Variants in MYO1C observed in about 807,000 individuals in gnomAD.
MYO1C encodes the protein myosin IC.
In MYO1C, 104 loss-of-function variants were observed where a neutral mutation model predicts 150.8. The observed-to-expected ratio is 0.69, with a 90% confidence interval of 0.59 to 0.81. The LOEUF (loss-of-function observed/expected upper bound fraction) is 0.81, where lower values mean the gene tolerates loss of function less well. MYO1C is among the 30% of genes least tolerant of loss of function. The probability of loss-of-function intolerance (pLI) is 0.00; values close to 1 mark genes in which losing one functional copy is unlikely to be tolerated. For missense variants in MYO1C, 1,504 were observed against 1,435.0 expected, an observed-to-expected ratio of 1.05 and a Z score of -0.78; for synonymous variants, 663 against 579.9, an observed-to-expected ratio of 1.14 and a Z score of -2.06.
intron 25 of MYO1C, 196 bp downstream of exon 25, chr17:1,469,335 G>T (rs74977682): frequency 1.6e-6 from 1 of 630,882 alleles, no homozygotes; most frequent in East Asian, 2.8e-5. Context: ...AGATAAATAC[G>T]GTAGGCGGGG....
intron 25 of MYO1C, 50 bp from the exon 26 acceptor site, chr17:1,468,546 T>C (rs756402365): frequency 2.7e-6 from 4 of 1,460,698 alleles, no homozygotes; most frequent in African/African-American, 1.4e-5. Context: ...GAGCACCATC[T>C]TGGGGGGGCA....
chr17:1,490,411 T>C (rs556177455), intron 1 of MYO1C, among the ~76,000 whole-genome samples: 1 of 151,892 alleles, frequency 6.6e-6, no homozygotes, highest in Non-Finnish European at 1.5e-5. Flanking sequence ...GGCAGGAGAA[T>C]AGCTTGAACC....
At chr17:1,466,863 G>A (rs1010516731) in intron 31 of MYO1C, among the ~76,000 whole-genome samples, 15 of 152,230 alleles carry the variant, frequency 9.9e-5, no homozygotes, top group Middle Eastern at 3.4e-3. Flanking sequence ...CTGATCTCGG[G>A]TGATCCACAC....
chr17:1,483,358 G>A lies in MYO1C; in HGVS notation c.347+252C>T, dbSNP rs528594644. ...GGGTCTTTGCAGGTGGGGTTCAGAG[G>A]TCACTAAGATTGGGGGGCCACTCCC... On this transcript the variant is annotated intron_variant, in intron 3 of 31. Coordinates refer to ENST00000648651, the MANE Select transcript of MYO1C (RefSeq NM_001080779.2). Among the ~76,000 whole-genome samples the A allele has an allele frequency of 5.9e-5, 9 of 151,368 alleles. No homozygotes were observed. In the South Asian group the frequency reaches 6.3e-4, roughly 11 times the overall value.
In MYO1C at chr17:1,480,843, T is replaced by C; in HGVS notation, c.670A>G (p.Lys224Glu). The C allele has an allele frequency of 1.2e-6, 2 of 1,614,124 alleles. No individual in the cohort carries two copies. Among genetic ancestry groups the C allele is most frequent in the Non-Finnish European group, 1.7e-6 (2 of 1,180,006 alleles). Reference protein sequence around the residue: ...GGHILSYLLEKSRVVHQNHGE... With the variant: ...GGHILSYLLEESRVVHQNHGE... ...TGATTCTGGTGCACCACTCGTGACT[T>C]TTCCAGGAGGTAACTGAGGATGTGG... is the stretch of plus-strand genomic sequence containing the variant. The change falls in exon 6 of 32, where the codon AAG becomes GAG. Residue 224 changes from lysine to glutamate, a missense_variant. Transcript: ENST00000648651.
At chr17:1,492,221 A>T (rs1257117455) in intron 1 of MYO1C, among the ~76,000 whole-genome samples, 192 bp downstream of exon 1, 1 of 152,146 alleles carries the variant, frequency 6.6e-6, no homozygotes, top group Non-Finnish European at 1.5e-5. Context: ...CACTTCCAAA[A>T]ATCCTGCTGC....
chr17:1,482,482 A>C lies in MYO1C; in HGVS notation c.623T>G (p.Phe208Cys). The C allele has an allele frequency of 6.2e-7, 1 of 1,613,870 alleles. No individual in the cohort carries two copies. Among genetic ancestry groups the C allele is most frequent in the Non-Finnish European group, 8.5e-7 (1 of 1,179,818 alleles). Residue 208 changes from phenylalanine to cysteine, a missense_variant, in exon 5 of 32, where the codon TTC becomes TGC. By Grantham distance (205) the Phe-to-Cys change is radical (BLOSUM62 -2). Coordinates refer to ENST00000648651, the MANE Select transcript of MYO1C (RefSeq NM_001080779.2). ...CGACACACACATCCATGGTACCTTG[A>C]AGTCAAACTGCACATCCATGTACTT... ...FGKYMDVQFD[F>C]KGAPVGGHIL...
chr17:1,472,436 C>T (rs2074324205), intron 17 of MYO1C: 2 of 583,474 alleles, frequency 3.4e-6, no homozygotes, highest in East Asian at 2.9e-5. Context: ...AGACCTCAGT[C>T]TACGAGCCTC....
chr17:1,480,947 C>T, intron 5 of MYO1C, 62 bp from the exon 6 acceptor site: 4 of 1,570,520 alleles, frequency 2.5e-6, no homozygotes, highest in South Asian at 1.1e-5. Context: ...CCACCTGCCC[C>T]TCTTCTCCCC....
At chr17:1,487,396 G>T (rs2074676470) in intron 1 of MYO1C, among the ~76,000 whole-genome samples, 1 of 152,216 alleles carries the variant, frequency 6.6e-6, no homozygotes, top group South Asian at 2.1e-4. Flanking sequence ...CCCAGCTCGC[G>T]GACCCCGCTC....
chr17:1,476,659 C>T (rs996628051), intron 14 of MYO1C, among the ~76,000 whole-genome samples: 9 of 152,176 alleles, frequency 5.9e-5, no homozygotes, highest in African/African-American at 9.7e-5. Flanking sequence ...GGTGAAGCGA[C>T]GACATGCACA....
rs12452200 is a variant in MYO1C, at chr17:1,471,555, C to A, written c.2022-219G>T. 0.091 allele frequency among the ~76,000 whole-genome samples: 13,888 copies of A among 152,160 alleles called. 718 individuals carry two copies. The highest frequency in any genetic ancestry group is 0.17 in the Admixed American group (2,530 of 15,278). ...GTGGCAGAGATGAAATTCAGTTTGACCCCCCAGGCCCCCGACTCAGAAGAA... is the reference window on the plus strand; with the variant it reads ...GTGGCAGAGATGAAATTCAGTTTGAACCCCCAGGCCCCCGACTCAGAAGAA... On this transcript the variant is annotated intron_variant, in intron 19 of 31. Coordinates refer to ENST00000648651, the MANE Select transcript of MYO1C (RefSeq NM_001080779.2).
At chr17:1,475,216 C>T (rs185415780) in intron 14 of MYO1C, among the ~76,000 whole-genome samples, 184 bp from the exon 15 acceptor site, 2 of 152,140 alleles carry the variant, frequency 1.3e-5, no homozygotes, top group Non-Finnish European at 2.9e-5. Context: ...GTCAGTACTT[C>T]GAGACCAGCT....
chr17:1,492,360 G>C, intron 1 of MYO1C, 53 bp downstream of exon 1: 1 of 1,541,082 alleles, frequency 6.5e-7, no homozygotes, highest in Non-Finnish European at 8.8e-7. Flanking sequence ...GGGGCTGCCC[G>C]GCCTTGGGGA....
At chr17:1,485,653 G>A (rs1225767606) in intron 1 of MYO1C, 1 of 1,201,966 alleles carries the variant, frequency 8.3e-7, no homozygotes, top group Non-Finnish European at 1.0e-6. Context: ...GGGGAGGGAC[G>A]CCCGGGACCC....
At chr17:1,485,172 C>T in intron 1 of MYO1C, 1 of 1,191,730 alleles carries the variant, frequency 8.4e-7, no homozygotes, top group Non-Finnish European at 1.1e-6. Flanking sequence ...GAGGGTGGTG[C>T]AGGCTGAGCA....
chr17:1,483,468 T>G (rs954902010), intron 3 of MYO1C, 142 bp downstream of exon 3: 2 of 665,932 alleles, frequency 3.0e-6, no homozygotes, highest in African/African-American at 1.8e-5. Context: ...TCATCTCTGG[T>G]CACTGGGGGG....
Position 1,470,938 on chromosome 17 carries a change from A to T in MYO1C, c.2212+133T>A, listed in dbSNP as rs561130164. ...CGGCCATTGGACTCTCTGGAGAAGGACTCCCTGGAGCTGGGCGTGGGGCTG... is the reference window on the plus strand; with the variant it reads ...CGGCCATTGGACTCTCTGGAGAAGGTCTCCCTGGAGCTGGGCGTGGGGCTG... On this transcript the variant is annotated intron_variant, in intron 21 of 31. Transcript: ENST00000648651. 4.6e-6 allele frequency: 5 copies of T among 1,075,778 alleles called. No individual in the cohort carries two copies. In the Admixed American group the frequency reaches 1.0e-4, roughly 21 times the overall value. 66.6% of individuals were successfully genotyped at this position (1,075,778 alleles called of 1,614,324 possible).
rs199784329 is a variant in MYO1C at position 1,478,649 on chromosome 17, G to A, written c.1179C>T (p.Leu393=). The A allele has an allele frequency of 7.4e-6, 12 of 1,614,058 alleles. No individual in the cohort carries two copies. Among genetic ancestry groups the A allele is most frequent in the Admixed American group, 1.7e-5 (1 of 59,998 alleles). ...CCAGCGACCTGTTGATCTTCCCGAC[G>A]AGCCAGGTAAAAGTGCGGCTGTACA... ...KAVYSRTFTW[L]VGKINRSLAS... Residue 393 remains leucine (L), a synonymous_variant, in exon 10 of 32, where the codon CTC becomes CTT. Transcript: ENST00000648651. The surrounding 1 kb of genome is among the most constrained non-coding windows in gnomAD (Gnocchi z 6.3).
Sources: gnomAD v4.1 joint callset for allele counts (sites outside exome capture counted in the v4.1 genomes callset) on GRCh38, gnomAD v4.1.1 for gene constraint, Gnocchi (gnomAD v3.1) non-coding constraint, MANE v1.5 for transcripts, NCBI Gene and HGNC (gene_info 2026-07-23, HGNC 2026-07-21) for gene names.